Variants in CCNB1IP1 observed in about 807,000 individuals in gnomAD.
CCNB1IP1 encodes the protein cyclin B1 interacting protein 1.
CCNB1IP1 carries 14 observed loss-of-function variants against 25.6 expected under a neutral mutation model. The observed-to-expected ratio is 0.55, with a 90% confidence interval of 0.36 to 0.85. The LOEUF is 0.85. Among genes scored for constraint, CCNB1IP1 ranks in the 40% least tolerant of loss-of-function variants. The pLI is 0.01. For synonymous variants in CCNB1IP1, 119 were observed against 116.1 expected, an observed-to-expected ratio of 1.02 and a Z score of -0.16; for missense variants, 278 against 342.4, an observed-to-expected ratio of 0.81 and a Z score of 1.48.
intron 6 of CCNB1IP1, 94 bp from the exon 7 acceptor site, chr14:20,311,846 A>C (rs1373408717): frequency 4.7e-6 from 3 of 640,056 alleles, no homozygotes; most frequent in Non-Finnish European, 7.2e-6. Flanking sequence ...ATATGAATAT[A>C]TATTTTTTCT....
chr14:20,328,075 A>T (rs1883129997), intron 2 of CCNB1IP1, among the ~76,000 whole-genome samples: 1 of 152,224 alleles, frequency 6.6e-6, no homozygotes, highest in Non-Finnish European at 1.5e-5. Context: ...GACAGAAAAG[A>T]AAGCAGTGGC....
intron 4 of CCNB1IP1, chr14:20,320,342 A>G: frequency 2.2e-6 from 1 of 456,062 alleles, no homozygotes. Flanking sequence ...GAAAGCAAAC[A>G]TTCCAACAAC....
intron 4 of CCNB1IP1, among the ~76,000 whole-genome samples, chr14:20,317,405 A>G (rs1237302423): frequency 1.5e-5 from 2 of 135,456 alleles, no homozygotes; most frequent in African/African-American, 5.2e-5. Context: ...CCCAGAAGGA[A>G]AAAAAAAAAA....
intron 4 of CCNB1IP1, among the ~76,000 whole-genome samples, chr14:20,323,572 T>A (rs1420278882): frequency 6.8e-6 from 1 of 147,880 alleles, no homozygotes; most frequent in Non-Finnish European, 1.5e-5. Context: ...TGAGTCCCTG[T>A]CTCAAAAAAA....
chr14:20,318,951 A>C (rs28436942), intron 4 of CCNB1IP1: 68,501 of 152,074 alleles, frequency 0.45, 17,122 homozygotes, highest in African/African-American at 0.68. Context: ...TTAGTAGACA[A>C]AGGGTCTCGC....
chr14:20,321,793 G>A (rs867087335), intron 4 of CCNB1IP1, among the ~76,000 whole-genome samples: 1 of 152,146 alleles, frequency 6.6e-6, no homozygotes, highest in South Asian at 2.1e-4. Context: ...AGTTATTACA[G>A]TTGCATACCA....
At chr14:20,319,575 G>T (rs1882827265) in intron 4 of CCNB1IP1, among the ~76,000 whole-genome samples, 1 of 152,234 alleles carries the variant, frequency 6.6e-6, no homozygotes, top group Non-Finnish European at 1.5e-5. Flanking sequence ...ACTTCCTGGA[G>T]ATGTATCTAA....
chr14:20,323,804 G>C (rs1882975388), intron 4 of CCNB1IP1, among the ~76,000 whole-genome samples: 1 of 151,264 alleles, frequency 6.6e-6, no homozygotes, highest in East Asian at 2.0e-4. Flanking sequence ...TGTATTCCCA[G>C]CTACTCAGGA....
chr14:20,316,492 T>C lies in CCNB1IP1; in HGVS notation c.32A>G (p.Asn11Ser). The C allele has an allele frequency of 6.2e-7, 1 of 1,610,516 alleles. No individual in the cohort carries two copies. The highest frequency in any genetic ancestry group is 8.5e-7 in the Non-Finnish European group (1 of 1,179,892). The change falls in exon 5 of 7, where the codon AAT (asparagine) becomes AGT (serine). Residue 11 changes from asparagine (N) to serine (S), a missense_variant. By Grantham distance (46) the Asn-to-Ser change is conservative. Transcript: ENST00000358932. Reference sequence around the variant, plus strand: ...GAGTTTGATGCGACACTTTCGATAATTACAAAGCAGCATGTCTTCACACAA... The same window carrying C: ...GAGTTTGATGCGACACTTTCGATAACTACAAAGCAGCATGTCTTCACACAA... MSLCEDMLLC[N>S]YRKCRIKLSG...
At chr14:20,323,489 T>C (rs1044071727) in intron 4 of CCNB1IP1, among the ~76,000 whole-genome samples, 9 of 150,816 alleles carry the variant, frequency 6.0e-5, no homozygotes, top group Non-Finnish European at 1.0e-4. Flanking sequence ...GGTGAGAGAA[T>C]CACCCGAGGC....
In CCNB1IP1 at chr14:20,329,552, G is replaced by A. The variant is rs542753139; in HGVS notation, c.-430-179C>T. ...TTTTAAGGCAGAATAGTATTCCACT[G>A]TACATATGTATAATATTTGCTTTAT... On this transcript the variant is annotated intron_variant, in intron 1 of 6. Coordinates refer to ENST00000358932, the MANE Select transcript of CCNB1IP1 (RefSeq NM_021178.5). 1.6e-3 allele frequency among the ~76,000 whole-genome samples: 241 copies of A among 152,254 alleles called. 2 individuals are homozygous for A. The highest frequency in any genetic ancestry group is 5.6e-3 in the African/African-American group (231 of 41,532).
At chr14:20,325,313 T>G (rs12895929) in intron 4 of CCNB1IP1, among the ~76,000 whole-genome samples, 1 of 149,006 alleles carries the variant, frequency 6.7e-6, no homozygotes, top group African/African-American at 2.5e-5. Context: ...CCCAGCTACT[T>G]GGGAGGCTGA....
In CCNB1IP1 at chr14:20,315,780, C is replaced by T. The variant is rs920046187; in HGVS notation, c.297+447G>A. The T allele has an allele frequency of 4.8e-6, 6 of 1,256,274 alleles. No homozygotes were observed. In the African/African-American group the frequency reaches 7.8e-5, roughly 16 times the overall value. 77.8% of individuals were successfully genotyped at this position (1,256,274 alleles called of 1,614,324 possible). ...AAAAATATTTAACAAGATATTCATA[C>T]CAAGTGAAGCACAGGCTACTCAGGA... On this transcript the variant is annotated intron_variant, in intron 5 of 6. Coordinates refer to ENST00000358932, the MANE Select transcript of CCNB1IP1 (RefSeq NM_021178.5).
chr14:20,320,266 A>G, intron 4 of CCNB1IP1: 3 of 453,372 alleles, frequency 6.6e-6, no homozygotes, highest in South Asian at 3.1e-5. Context: ...TCTTCCCAAC[A>G]TAAAGAGTCT....
intron 2 of CCNB1IP1, among the ~76,000 whole-genome samples, 158 bp from the exon 3 acceptor site, chr14:20,326,951 T>C (rs916084328): frequency 1.3e-5 from 2 of 152,158 alleles, no homozygotes; most frequent in Non-Finnish European, 1.5e-5. Flanking sequence ...ACTCATCTAT[T>C]TGGAGAATGT....
At chr14:20,315,933 AGTGT>A (rs893580377) in intron 5 of CCNB1IP1, 2 of 446,846 alleles carry the variant, frequency 4.5e-6, no homozygotes, top group Admixed American at 3.4e-5. Flanking sequence ...TAACAATAAA[AGTGT>A]GTGTGTTATC....
rs753517675 is a variant in CCNB1IP1, at chr14:20,313,820, A to C, written c.298-19T>G. On this transcript the variant is annotated intron_variant, in intron 5 of 6. Coordinates refer to ENST00000358932, the MANE Select transcript of CCNB1IP1 (RefSeq NM_021178.5). ...GATGTACCTGGTTCCAAAAGAAAAA[A>C]GATTTTTAAGGTATTGGGTACAAAG... 5 of 1,516,070 alleles carry C rather than the reference A, an allele frequency of 3.3e-6. No homozygotes were observed. In the Admixed American group the frequency reaches 1.1e-4, roughly 34 times the overall value. 93.9% of individuals were successfully genotyped at this position (1,516,070 alleles called of 1,614,324 possible).
Position 20,313,806 on chromosome 14 carries a change from T to C in CCNB1IP1, c.298-5A>G. 1 of 1,538,152 alleles carries C rather than the reference T, an allele frequency of 6.5e-7. No homozygotes were observed. Among genetic ancestry groups the C allele is most frequent in the East Asian group, 2.3e-5 (1 of 44,260 alleles). On this transcript the variant is annotated splice_polypyrimidine_tract_variant and splice_region_variant and intron_variant, in intron 5 of 6. Coordinates refer to ENST00000358932, the MANE Select transcript of CCNB1IP1 (RefSeq NM_021178.5). ...ATAGAGACGTTCCTGATGTACCTGG[T>C]TCCAAAAGAAAAAAGATTTTTAAGG... is the stretch of plus-strand genomic sequence containing the variant.
chr14:20,328,421 C>G (rs1019542017), intron 2 of CCNB1IP1, among the ~76,000 whole-genome samples: 7 of 152,162 alleles, frequency 4.6e-5, no homozygotes, highest in African/African-American at 7.2e-5. Context: ...CTTCCTTGCC[C>G]TATACTTAGC....
Sources: gnomAD v4.1 joint callset for allele counts (sites outside exome capture counted in the v4.1 genomes callset) on GRCh38, gnomAD v4.1.1 for gene constraint, MANE v1.5 for transcripts, NCBI Gene and HGNC (gene_info 2026-07-23, HGNC 2026-07-21) for gene names.